The following HMOX1 variants were observed in gnomAD, a reference collection of about 807,000 sequenced individuals.
HMOX1 encodes heat shock protein, 32-kD.
HMOX1 carries 22 observed loss-of-function variants against 27.8 expected under a neutral mutation model. That is an observed-to-expected ratio of 0.79 (90% CI 0.57 to 1.13). HMOX1 has a LOEUF of 1.13. HMOX1 is among the 50% of genes most tolerant of loss of function. The pLI is 0.00. For missense variants in HMOX1, 379 were observed against 377.7 expected, an observed-to-expected ratio of 1.00 and a Z score of -0.03; for synonymous variants, 153 against 151.6, an observed-to-expected ratio of 1.01 and a Z score of -0.07.
Position 35,389,341 on chromosome 22 carries a change from CTCCTTCCTTCCTTCCTTCCT to C in HMOX1, c.637-485_637-466del, listed in dbSNP as rs1232057826. 2.4e-4 allele frequency among the ~76,000 whole-genome samples: 15 copies of C among 62,570 alleles called. No homozygotes were observed. In the South Asian group the frequency reaches 3.0e-3, roughly 12 times the overall value. 41.0% of individuals were successfully genotyped at this position (62,570 alleles called of 152,430 possible). ...TTTCTTCTTTCTTTCTTTCTTTCTTCTCCTTCCTTCCTTCCTTCCTTCCTTCCTTCCTTCCTTCCTTCCTT... is the reference window on the plus strand; with the variant it reads ...TTTCTTCTTTCTTTCTTTCTTTCTTCTCCTTCCTTCCTTCCTTCCTTCCTT... On this transcript the variant is annotated intron_variant, in intron 3 of 4. Coordinates refer to ENST00000216117, the MANE Select transcript of HMOX1 (RefSeq NM_002133.3).
intron 3 of HMOX1, among the ~76,000 whole-genome samples, chr22:35,389,397 T>C (rs1601743492): frequency 1.5e-5 from 1 of 64,950 alleles, no homozygotes; most frequent in African/African-American, 1.2e-4. Context: ...CCTTCCTTCC[T>C]TTCTTTCTTT....
At chr22:35,386,556 G>T (rs1200779903) in intron 2 of HMOX1, 129 bp from the exon 3 acceptor site, 4 of 1,091,144 alleles carry the variant, frequency 3.7e-6, no homozygotes, top group Non-Finnish European at 5.5e-6. Flanking sequence ...TGTAGCGAGG[G>T]GTGGCAGAAG....
At chr22:35,382,968 A>C (rs5995097) in intron 1 of HMOX1, 138 bp from the exon 2 acceptor site, 60,982 of 1,234,270 alleles carry the variant, frequency 0.049, 1,718 homozygotes, top group East Asian at 0.061. Flanking sequence ...ACAAGGCTGC[A>C]TCTTAAAGCG....
intron 1 of HMOX1, among the ~76,000 whole-genome samples, chr22:35,381,546 G>C (rs1931388698): frequency 6.6e-6 from 1 of 151,996 alleles, no homozygotes; most frequent in Non-Finnish European, 1.5e-5. Context: ...CTGCCAGCCT[G>C]GGGGAGCATG....
At chr22:35,389,426 TTCTA>T (rs1187378667) in intron 3 of HMOX1, among the ~76,000 whole-genome samples, 5,803 of 77,660 alleles carry the variant, frequency 0.075, 496 homozygotes, top group East Asian at 0.12. Context: ...CTTTCTTTCT[TTCTA>T]TCTTTCTTTC....
In HMOX1 at chr22:35,386,561, CAGA is replaced by C. The variant is rs1481669147; in HGVS notation, c.145-121_145-119del. ...TGAAGAGGATTGTAGCGAGGGGTGG[CAGA>C]AGGAGTCAGAGCCCAGCTGCGAAGT... On this transcript the variant is annotated intron_variant, in intron 2 of 4. Transcript: ENST00000216117. 23 of 1,187,654 alleles carry C rather than the reference CAGA, an allele frequency of 1.9e-5. No individual in the cohort carries two copies. The Middle Eastern group carries it at 2.9e-3, about 152-fold the overall frequency. 73.6% of individuals were successfully genotyped at this position (1,187,654 alleles called of 1,614,324 possible). A position where few individuals can be genotyped will look rare whatever the true frequency, so the allele number is the denominator to read the frequency against.
chr22:35,383,278 G>A lies in HMOX1; in HGVS notation c.144+52G>A, dbSNP rs753956749. On this transcript the variant is annotated intron_variant, in intron 2 of 4. Coordinates refer to ENST00000216117, the MANE Select transcript of HMOX1 (RefSeq NM_002133.3). ...GGTGGAGGGTGTGGCAGGTGTGGGT[G>A]GACCCAAGGCTCAGACCAGTGGTTT... is the stretch of plus-strand genomic sequence containing the variant. The A allele has an allele frequency of 1.3e-5, 21 of 1,601,822 alleles. No individual in the cohort carries two copies. In the South Asian group the frequency reaches 2.1e-4, roughly 16 times the overall value.
Position 35,389,395 on chromosome 22 carries a change from CCTTTCTTTCTTTCTTT to C in HMOX1, c.637-450_637-435del, listed in dbSNP as rs372672366. Among the ~76,000 whole-genome samples, 85 of 51,808 alleles carry C rather than the reference CCTTTCTTTCTTTCTTT, an allele frequency of 1.6e-3. 12 individuals are homozygous for C. The highest frequency in any genetic ancestry group is 9.7e-3 in the African/African-American group (81 of 8,374). 34.0% of individuals were successfully genotyped at this position (51,808 alleles called of 152,430 possible). A position where few individuals can be genotyped will look rare whatever the true frequency, so the allele number is the denominator to read the frequency against. On this transcript the variant is annotated intron_variant, in intron 3 of 4. Coordinates refer to ENST00000216117, the MANE Select transcript of HMOX1 (RefSeq NM_002133.3). ...TCCTTCCTTCCTTCCTTCCTTCCTT[CCTTTCTTTCTTTCTTT>C]CTTTCTTTCTTTCTTTCTATCTTTC... is the stretch of plus-strand genomic sequence containing the variant.
intron 4 of HMOX1, among the ~76,000 whole-genome samples, chr22:35,390,554 G>A (rs2145771386): frequency 6.6e-6 from 1 of 152,198 alleles, no homozygotes; most frequent in South Asian, 2.1e-4. Flanking sequence ...TATGAGAAGT[G>A]GAGTGCAGGC....
intron 1 of HMOX1, among the ~76,000 whole-genome samples, chr22:35,381,546 G>T (rs1931388698): frequency 6.6e-6 from 1 of 151,996 alleles, no homozygotes; most frequent in Non-Finnish European, 1.5e-5. Flanking sequence ...CTGCCAGCCT[G>T]GGGGAGCATG....
intron 4 of HMOX1, among the ~76,000 whole-genome samples, chr22:35,390,894 T>G (rs1390280472): frequency 6.6e-6 from 1 of 152,154 alleles, no homozygotes; most frequent in Admixed American, 6.6e-5. Flanking sequence ...CTGGCTGTAC[T>G]GAAACATCTT....
chr22:35,393,243 G>C (rs1249374902), intron 4 of HMOX1, among the ~76,000 whole-genome samples: 1 of 152,170 alleles, frequency 6.6e-6, no homozygotes, highest in East Asian at 1.9e-4. Context: ...ATGTGGCCTG[G>C]CTGCACAGGG....
chr22:35,389,676 C>T (rs1601743941), intron 3 of HMOX1, among the ~76,000 whole-genome samples, 188 bp from the exon 4 acceptor site: 1 of 49,162 alleles, frequency 2.0e-5, no homozygotes, highest in South Asian at 8.4e-4. Flanking sequence ...ACTTCTGACC[C>T]GTGATGTGCC....
chr22:35,385,585 A>T (rs1329880805), intron 2 of HMOX1, among the ~76,000 whole-genome samples: 2 of 143,706 alleles, frequency 1.4e-5, no homozygotes, highest in Non-Finnish European at 1.5e-5. Flanking sequence ...GACTATAGGC[A>T]TGCACCCCCA....
chr22:35,390,701 C>T (rs1392754737), intron 4 of HMOX1, among the ~76,000 whole-genome samples: 2 of 152,110 alleles, frequency 1.3e-5, no homozygotes. Context: ...GCACAAGAAC[C>T]CCTCAGAAAT....
At chr22:35,385,821 GC>G (rs1414879398) in intron 2 of HMOX1, among the ~76,000 whole-genome samples, 1 of 151,684 alleles carries the variant, frequency 6.6e-6, no homozygotes, top group East Asian at 1.9e-4. Context: ...TCACCATATT[GC>G]CCAGGCTGGT....
rs761741218 is a variant in HMOX1 at position 35,393,454 on chromosome 22, ATT to A, written c.737-11_737-10del. On this transcript the variant is annotated splice_polypyrimidine_tract_variant and intron_variant, in intron 4 of 4. Transcript: ENST00000216117. ...GCCCACCTGTTAATGACCTTGCCCC[ATT>A]TTCTCTTTCAGATTCTGCCCCCGTG... The A allele has an allele frequency of 3.3e-5, 54 of 1,613,830 alleles. No individual in the cohort carries two copies. Among genetic ancestry groups the A allele is most frequent in the Non-Finnish European group, 4.5e-5 (53 of 1,179,976 alleles).
intron 3 of HMOX1, among the ~76,000 whole-genome samples, chr22:35,389,322 C>T (rs200048809): frequency 0.25 from 24,858 of 98,036 alleles, 4,743 homozygotes; most frequent in East Asian, 0.39. Context: ...TTTCTTTCTT[C>T]TTTCTTTCTT....
chr22:35,383,360 A>T, intron 2 of HMOX1, 134 bp downstream of exon 2: 1 of 1,029,044 alleles, frequency 9.7e-7, no homozygotes. Context: ...CTTAAAAATG[A>T]TGACACTGAG....
Sources: allele counts gnomAD v4.1 joint callset (sites outside exome capture counted in the v4.1 genomes callset), GRCh38; gene constraint gnomAD v4.1.1; transcripts MANE v1.5; gene names NCBI Gene and HGNC (gene_info 2026-07-23, HGNC 2026-07-21).